The following CACNB4 variants were observed in gnomAD, a reference collection of about 807,000 sequenced individuals.
The protein encoded by CACNB4 is calcium voltage-gated channel auxiliary subunit beta 4.
CACNB4 carries 32 observed loss-of-function variants against 71.2 expected under a neutral mutation model. The ratio of observed to expected loss-of-function variants is 0.45; its 90% CI spans 0.34 to 0.60. CACNB4 has a LOEUF of 0.60. Among genes scored for constraint, CACNB4 ranks in the 20% least tolerant of loss-of-function variants. The pLI, the probability that CACNB4 is intolerant of heterozygous loss-of-function variation, is 0.01. For missense variants in CACNB4, 464 were observed against 647.9 expected (o/e 0.72, Z 3.08); for synonymous variants, 231 against 236.9 (o/e 0.97, Z 0.23).
intron 2 of CACNB4, among the ~76,000 whole-genome samples, chr2:152,038,661 T>C (rs1032650702): frequency 9.9e-5 from 15 of 152,260 alleles, no homozygotes; most frequent in African/African-American, 3.4e-4. Context: ...ACAAAAGACA[T>C]GGCAATAAAA....
intron 2 of CACNB4, among the ~76,000 whole-genome samples, chr2:152,075,568 G>A (rs531541528): frequency 1.3e-5 from 2 of 152,290 alleles, no homozygotes; most frequent in South Asian, 2.1e-4. Flanking sequence ...AAGGACACGG[G>A]CAGTGTGGAC....
intron 2 of CACNB4, among the ~76,000 whole-genome samples, chr2:151,946,077 C>T (rs1366435966): frequency 6.6e-6 from 1 of 152,014 alleles, no homozygotes. Flanking sequence ...GGCTGTAATC[C>T]TAGCACTTTG....
At chr2:151,843,349 C>G (rs2099836718) in intron 12 of CACNB4, among the ~76,000 whole-genome samples, 1 of 152,230 alleles carries the variant, frequency 6.6e-6, no homozygotes, top group Admixed American at 6.5e-5. Context: ...CAGTGTTGCT[C>G]TGTGGCCCAG....
At chr2:151,912,589 G>A (rs2099856468) in intron 2 of CACNB4, among the ~76,000 whole-genome samples, 1 of 152,192 alleles carries the variant, frequency 6.6e-6, no homozygotes, top group South Asian at 2.1e-4. Context: ...TTCCAATTAT[G>A]TGGTCAATTT....
intron 2 of CACNB4, among the ~76,000 whole-genome samples, chr2:151,953,487 C>G (rs114434064): frequency 6.6e-6 from 1 of 152,112 alleles, no homozygotes. Context: ...TGACCCTGGA[C>G]GAATCATATG....
At chr2:152,010,979 T>G (rs1264632766) in intron 2 of CACNB4, among the ~76,000 whole-genome samples, 1 of 152,142 alleles carries the variant, frequency 6.6e-6, no homozygotes, top group Non-Finnish European at 1.5e-5. Flanking sequence ...CCCCTCATAT[T>G]TAAGAGCTCC....
intron 2 of CACNB4, among the ~76,000 whole-genome samples, chr2:151,997,882 C>T (rs1217723680): frequency 6.6e-6 from 1 of 152,210 alleles, no homozygotes; most frequent in Non-Finnish European, 1.5e-5. Context: ...CTTTTTAATA[C>T]ATGATACTAT....
chr2:151,890,171 T>G (rs1423242406), intron 2 of CACNB4, among the ~76,000 whole-genome samples: 1 of 152,174 alleles, frequency 6.6e-6, no homozygotes, highest in Non-Finnish European at 1.5e-5. Flanking sequence ...CTTGCATGGA[T>G]TCTCACAAAT....
At chr2:151,841,582 T>C (rs980808200) in intron 13 of CACNB4, 6 of 278,266 alleles carry the variant, frequency 2.2e-5, no homozygotes, top group African/African-American at 1.1e-4. Context: ...AGTGAGACTA[T>C]GTCTCTAAAA....
At chr2:152,014,412 A>G (rs1683229158) in intron 2 of CACNB4, among the ~76,000 whole-genome samples, 1 of 152,034 alleles carries the variant, frequency 6.6e-6, no homozygotes, top group Admixed American at 6.6e-5. Flanking sequence ...TTCTTCTTAC[A>G]GATAATTTGC....
chr2:152,089,958 G>A (rs1180261093), intron 2 of CACNB4, among the ~76,000 whole-genome samples: 2 of 152,166 alleles, frequency 1.3e-5, no homozygotes, highest in Non-Finnish European at 2.9e-5. Context: ...TCACTGAGCA[G>A]AATGGGACCT....
intron 9 of CACNB4, chr2:151,868,468 G>A (rs532010445): frequency 2.4e-4 from 37 of 152,016 alleles, no homozygotes; most frequent in African/African-American, 7.5e-4. Flanking sequence ...GTCAATACAG[G>A]CTTTTTACCA....
At chr2:151,920,986 A>C (rs2099858848) in intron 2 of CACNB4, among the ~76,000 whole-genome samples, 1 of 151,752 alleles carries the variant, frequency 6.6e-6, no homozygotes, top group Non-Finnish European at 1.5e-5. Flanking sequence ...AAAATACAAA[A>C]AGAAATTAGC....
chr2:152,079,450 T>C (rs1382889521), intron 2 of CACNB4, among the ~76,000 whole-genome samples: 2 of 152,126 alleles, frequency 1.3e-5, no homozygotes, highest in Non-Finnish European at 2.9e-5. Context: ...TCACCTAATG[T>C]ATCCTGACTG....
chr2:151,982,864 A>G (rs541308864), intron 2 of CACNB4, among the ~76,000 whole-genome samples: 5 of 152,322 alleles, frequency 3.3e-5, no homozygotes, highest in African/African-American at 1.2e-4. Flanking sequence ...TCCAGCTGCA[A>G]AAGTAAAAAT....
intron 2 of CACNB4, among the ~76,000 whole-genome samples, chr2:151,980,899 TTTGGTTC>T (rs1198406312): frequency 6.6e-6 from 1 of 152,182 alleles, no homozygotes; most frequent in East Asian, 1.9e-4. Context: ...AGTTTTTGGT[TTTGGTTC>T]TTGGTTTTTT....
At chr2:152,086,497 T>C (rs1043160087) in intron 2 of CACNB4, among the ~76,000 whole-genome samples, 7 of 152,232 alleles carry the variant, frequency 4.6e-5, no homozygotes, top group African/African-American at 1.7e-4. Context: ...CAGTTTTATA[T>C]ACCTAATAAT....
chr2:152,097,130 T>C (rs138161793), intron 2 of CACNB4, among the ~76,000 whole-genome samples: 7 of 152,350 alleles, frequency 4.6e-5, no homozygotes, highest in African/African-American at 1.2e-4. Context: ...TAGTGCTCGC[T>C]GAATTAAATG....
chr2:151,942,597 G>A (rs929362043), intron 2 of CACNB4, among the ~76,000 whole-genome samples: 4 of 143,810 alleles, frequency 2.8e-5, no homozygotes, highest in Admixed American at 2.0e-4. Context: ...TCTTCTTGCA[G>A]AGAGCCTATA....
Sources: allele counts gnomAD v4.1 joint callset (sites outside exome capture counted in the v4.1 genomes callset), GRCh38; gene constraint gnomAD v4.1.1; transcripts MANE v1.5; gene names NCBI Gene and HGNC (gene_info 2026-07-23, HGNC 2026-07-21).